Variants in NRIP1 observed in about 807,000 individuals in gnomAD.
NRIP1 encodes the protein nuclear receptor interacting protein 1.
In NRIP1, 28 loss-of-function variants were observed where a neutral mutation model predicts 75.0. The observed-to-expected ratio is 0.37, with a 90% CI of 0.28 to 0.51. The LOEUF is 0.51. NRIP1 is among the 20% of genes least tolerant of loss of function. NRIP1 has a pLI of 0.92. For missense variants in NRIP1, 1,435 were observed against 1,343.7 expected, an observed-to-expected ratio of 1.07 and a Z score of -1.06; for synonymous variants, 526 against 487.6, an observed-to-expected ratio of 1.08 and a Z score of -1.04.
chr21:14,978,503 A>T (rs2087140564), intron 3 of NRIP1, among the ~76,000 whole-genome samples: 1 of 152,222 alleles, frequency 6.6e-6, no homozygotes, highest in African/African-American at 2.4e-5. Context: ...AAAGCTAAAT[A>T]TGAGCTTATA....
At chr21:15,014,822 T>C (rs1312518899) in intron 2 of NRIP1, among the ~76,000 whole-genome samples, 1 of 134,546 alleles carries the variant, frequency 7.4e-6, no homozygotes, top group African/African-American at 2.7e-5. Context: ...TAAACGTGTA[T>C]TTCTTAAAAA....
chr21:14,971,918 T>C (rs1478343005), intron 3 of NRIP1, among the ~76,000 whole-genome samples: 1 of 152,064 alleles, frequency 6.6e-6, no homozygotes, highest in Non-Finnish European at 1.5e-5. Context: ...GTCAAGGCAG[T>C]TATTTTTCAT....
chr21:15,034,737 A>T (rs1363598967), intron 2 of NRIP1, among the ~76,000 whole-genome samples: 1 of 152,176 alleles, frequency 6.6e-6, no homozygotes, highest in Non-Finnish European at 1.5e-5. Context: ...CAAACTTGAA[A>T]GGAATCCTAA....
intron 1 of NRIP1, among the ~76,000 whole-genome samples, chr21:15,063,503 A>G (rs1188288651): frequency 6.6e-6 from 1 of 152,252 alleles, no homozygotes. Flanking sequence ...AGCAGGTTCA[A>G]TGCAATTCAT....
chr21:14,987,365 T>G (rs556337965), intron 3 of NRIP1, among the ~76,000 whole-genome samples: 153 of 152,298 alleles, frequency 1.0e-3, no homozygotes, highest in African/African-American at 3.3e-3. Flanking sequence ...TGAGCTATAA[T>G]CTGTTGAGTT....
At chr21:14,990,285 C>T (rs1366971318) in intron 3 of NRIP1, among the ~76,000 whole-genome samples, 1 of 151,850 alleles carries the variant, frequency 6.6e-6, no homozygotes, top group Non-Finnish European at 1.5e-5. Flanking sequence ...GTATTTCTAC[C>T]TGTCTTACTC....
rs1434867482 is a variant in NRIP1, at chr21:14,961,909, C to G, written c.*2807G>C. Reference sequence around the variant, plus strand: ...AAAAGGCTTTTCTGTTGCATTAGAACAATACAAAATATGTATTTTTCATTA... The same window carrying G: ...AAAAGGCTTTTCTGTTGCATTAGAAGAATACAAAATATGTATTTTTCATTA... On this transcript the variant is annotated 3_prime_UTR_variant, in exon 4 of 4. Coordinates refer to ENST00000318948, the MANE Select transcript of NRIP1 (RefSeq NM_003489.4). The G allele has an allele frequency of 1.3e-5, 2 of 151,200 alleles. No homozygotes were observed. Among genetic ancestry groups the G allele is most frequent in the Admixed American group, 6.6e-5 (1 of 15,064 alleles). 9.4% of individuals were successfully genotyped at this position (151,200 alleles called of 1,614,324 possible).
Position 14,967,589 on chromosome 21 carries a change from T to A in NRIP1, c.604A>T (p.Asn202Tyr). ...AGGTTTTTAGTCACATCAGGAAGAT[T>A]CGTATCAGGCTTTTGATCTTTAACT... ...SKVKDQKPDTNLPDVTKNLIR... is the reference protein window; with the variant it reads ...SKVKDQKPDTYLPDVTKNLIR... Residue 202 changes from asparagine (N) to tyrosine (Y), a missense_variant, in exon 4 of 4, where the codon AAT (asparagine) becomes TAT (tyrosine). Coordinates refer to ENST00000318948, the MANE Select transcript of NRIP1 (RefSeq NM_003489.4). 2 of 1,614,030 alleles carry A rather than the reference T, an allele frequency of 1.2e-6. No homozygotes were observed. The highest frequency in any genetic ancestry group is 1.7e-6 in the Non-Finnish European group (2 of 1,180,002).
At chr21:14,972,710 T>C (rs2146966164) in intron 3 of NRIP1, among the ~76,000 whole-genome samples, 1 of 152,330 alleles carries the variant, frequency 6.6e-6, no homozygotes, top group African/African-American at 2.4e-5. Context: ...TGGAAGATAA[T>C]TTTTGCATGG....
At chr21:15,038,067 T>C (rs1417781179) in intron 2 of NRIP1, among the ~76,000 whole-genome samples, 4 of 152,068 alleles carry the variant, frequency 2.6e-5, no homozygotes, top group Non-Finnish European at 5.9e-5. Context: ...ATAATTAGGG[T>C]TGACTGCAAT....
intron 2 of NRIP1, among the ~76,000 whole-genome samples, chr21:15,039,605 G>A (rs1406051309): frequency 6.6e-6 from 1 of 152,140 alleles, no homozygotes; most frequent in East Asian, 1.9e-4. Context: ...AGAAGTCATA[G>A]GCACATCTAT....
At chr21:15,058,038 T>C (rs765011258) in intron 1 of NRIP1, among the ~76,000 whole-genome samples, 1 of 152,226 alleles carries the variant, frequency 6.6e-6, no homozygotes, top group Non-Finnish European at 1.5e-5. Context: ...TTGAAATCTT[T>C]ACTGTTTACT....
At chr21:14,989,808 G>C (rs2087518608) in intron 3 of NRIP1, among the ~76,000 whole-genome samples, 1 of 151,916 alleles carries the variant, frequency 6.6e-6, no homozygotes, top group African/African-American at 2.4e-5. Context: ...GAGGAGGAGG[G>C]GAGCCTGAAA....
At chr21:15,002,263 C>G (rs2087865544) in intron 3 of NRIP1, 1 of 152,136 alleles carries the variant, frequency 6.6e-6, no homozygotes, top group African/African-American at 2.4e-5. Context: ...TCATAGAATA[C>G]TAATGTAAAA....
At chr21:14,986,772 A>G (rs545721719) in intron 3 of NRIP1, among the ~76,000 whole-genome samples, 17 of 152,328 alleles carry the variant, frequency 1.1e-4, no homozygotes, top group African/African-American at 3.8e-4. Context: ...AACGACTTAA[A>G]CTAAACTTAC....
chr21:15,012,749 C>T (rs1201174844), intron 3 of NRIP1, among the ~76,000 whole-genome samples: 1 of 152,022 alleles, frequency 6.6e-6, no homozygotes, highest in African/African-American at 2.4e-5. Context: ...CCATGCCTGG[C>T]TGTCTTTTTT....
rs1568942769 is a variant in NRIP1 at position 14,968,092 on chromosome 21, C to A, written c.101G>T (p.Gly34Val). Residue 34 changes from glycine to valine, a missense_variant, in exon 4 of 4, where the codon GGT becomes GTT. Coordinates refer to ENST00000318948, the MANE Select transcript of NRIP1 (RefSeq NM_003489.4). Reference protein sequence around the residue: ...LLMHQAAGGSGTAVDKKSAGH... With the variant: ...LLMHQAAGGSVTAVDKKSAGH... The stretch of plus-strand genomic sequence containing the variant: ...AGCAGACTTTTTGTCAACGGCAGTA[C>A]CTGATCCCCCTGCTGCCTGATGCAT... The A allele has an allele frequency of 6.2e-7, 1 of 1,614,020 alleles. No individual in the cohort carries two copies. The highest frequency in any genetic ancestry group is 8.5e-7 in the Non-Finnish European group (1 of 1,179,944).
At chr21:14,993,828 G>A (rs1233190984) in intron 3 of NRIP1, among the ~76,000 whole-genome samples, 2 of 151,538 alleles carry the variant, frequency 1.3e-5, no homozygotes, top group Non-Finnish European at 2.9e-5. Flanking sequence ...ATCCAACACA[G>A]GAGGTCCTCA....
At chr21:14,990,792 C>A (rs1185741000) in intron 3 of NRIP1, among the ~76,000 whole-genome samples, 1 of 152,072 alleles carries the variant, frequency 6.6e-6, no homozygotes, top group Non-Finnish European at 1.5e-5. Flanking sequence ...GATAAAGGGA[C>A]CCTGATACAG....
Sources: gnomAD v4.1 joint callset for allele counts (sites outside exome capture counted in the v4.1 genomes callset) on GRCh38, gnomAD v4.1.1 for gene constraint, MANE v1.5 for transcripts, NCBI Gene and HGNC (gene_info 2026-07-23, HGNC 2026-07-21) for gene names.